The following FBXO42 variants were observed in gnomAD, a reference collection of about 807,000 sequenced individuals.
The protein encoded by FBXO42 is F-box only protein 42.
Under a neutral mutation model 71.7 loss-of-function variants are expected in FBXO42, and 12 were observed. The ratio of observed to expected loss-of-function variants is 0.17; its 90% confidence interval spans 0.11 to 0.27. The LOEUF is 0.27. Among genes scored for constraint, FBXO42 ranks in the 10% least tolerant of loss-of-function variants. The pLI is 1.00. For missense variants in FBXO42, 707 were observed against 911.9 expected (o/e 0.78, Z 2.89); for synonymous variants, 325 against 327.5 (o/e 0.99, Z 0.08).
chr1:16,299,388 C>T (rs2082167478), intron 3 of FBXO42, among the ~76,000 whole-genome samples: 1 of 152,122 alleles, frequency 6.6e-6, no homozygotes, highest in South Asian at 2.1e-4. Context: ...GTATTTTAAT[C>T]CCACACTAAA....
chr1:16,251,370 C>T lies in FBXO42; in HGVS notation c.1454G>A (p.Arg485Gln), dbSNP rs1467463636. The T allele has an allele frequency of 1.2e-6, 2 of 1,614,110 alleles. No individual in the cohort carries two copies. Among genetic ancestry groups the T allele is most frequent in the Non-Finnish European group, 1.7e-6 (2 of 1,180,010 alleles). Residue 485 changes from arginine (R) to glutamine (Q), a missense_variant, in exon 10 of 10, where the codon CGA becomes CAA. Arg to Gln is a conservative substitution (Grantham distance 43). This residue lies in a region of FBXO42 where 482 missense variants were observed against 587.1 expected (regional missense o/e 0.82). Transcript: ENST00000375592. The surrounding 1 kb of genome is among the most constrained non-coding windows in gnomAD (Gnocchi z 4.5). ...DLKIGLSLAPRRGSLPDQKDL... is the reference protein window; with the variant it reads ...DLKIGLSLAPQRGSLPDQKDL... Reference sequence around the variant, plus strand: ...TTTCTGATCTGGTAGTGATCCTCGTCGGGGGGCCAAAGAAAGTCCTATTTT... The same window carrying T: ...TTTCTGATCTGGTAGTGATCCTCGTTGGGGGGCCAAAGAAAGTCCTATTTT...
At chr1:16,315,122 A>G (rs1328888382) in intron 2 of FBXO42, 47 bp downstream of exon 2, 3 of 1,545,316 alleles carry the variant, frequency 1.9e-6, no homozygotes, top group East Asian at 4.5e-5. Flanking sequence ...AAAATAAATC[A>G]GTGAAATTTG....
At chr1:16,271,273 G>T (rs2081842735) in intron 4 of FBXO42, among the ~76,000 whole-genome samples, 1 of 147,702 alleles carries the variant, frequency 6.8e-6, no homozygotes, top group African/African-American at 2.6e-5. Flanking sequence ...GTGTGTGTGT[G>T]TGTGTGTGTG....
rs77767645 is a variant in FBXO42, at chr1:16,351,032, T to C, written c.-18+1223A>G. On this transcript the variant is annotated intron_variant, in intron 1 of 9. Coordinates refer to ENST00000375592, the MANE Select transcript of FBXO42 (RefSeq NM_018994.3). ...CACAGCATCACTAATGGCCATAAGA[T>C]ATACAGACTTAATTCTAAATATTCA... Among the ~76,000 whole-genome samples, 993 of 152,290 alleles carry C rather than the reference T, an allele frequency of 6.5e-3. 7 individuals are homozygous for C. The highest frequency in any genetic ancestry group is 0.023 in the African/African-American group (946 of 41,566).
chr1:16,300,011 C>G (rs2082174617), intron 3 of FBXO42, among the ~76,000 whole-genome samples: 2 of 152,086 alleles, frequency 1.3e-5, no homozygotes, highest in South Asian at 4.1e-4. Flanking sequence ...TTTAAGACAC[C>G]TATAGATTGA....
Position 16,257,247 on chromosome 1 carries a change from C to T in FBXO42, c.503-488G>A, listed in dbSNP as rs137945381. 6.3e-3 allele frequency among the ~76,000 whole-genome samples: 957 copies of T among 152,228 alleles called. 3 individuals are homozygous for T. Among genetic ancestry groups the T allele is most frequent in the Non-Finnish European group, 8.5e-3 (579 of 68,018 alleles). On this transcript the variant is annotated intron_variant, in intron 4 of 9. Coordinates refer to ENST00000375592, the MANE Select transcript of FBXO42 (RefSeq NM_018994.3). ...GTCTGGATGCAACTTAAAAATAACT[C>T]GTTACAAAACACAGGTAAGAAAAGG...
intron 7 of FBXO42, 110 bp downstream of exon 7, chr1:16,253,525 T>C (rs1165979179): frequency 8.4e-6 from 7 of 832,600 alleles, no homozygotes; most frequent in Non-Finnish European, 1.3e-5. Context: ...ATGATACATT[T>C]TCTTTGGCTT....
At chr1:16,340,036 G>A (rs752197132) in intron 1 of FBXO42, among the ~76,000 whole-genome samples, 4 of 152,024 alleles carry the variant, frequency 2.6e-5, no homozygotes, top group Admixed American at 6.6e-5. Flanking sequence ...AATTAGCCAG[G>A]CGTGGTGGCA....
At chr1:16,300,299 A>G (rs2082177561) in intron 3 of FBXO42, among the ~76,000 whole-genome samples, 1 of 152,210 alleles carries the variant, frequency 6.6e-6, no homozygotes, top group South Asian at 2.1e-4. Flanking sequence ...GGCTTAGTTT[A>G]CGACACATAC....
intron 1 of FBXO42, among the ~76,000 whole-genome samples, chr1:16,319,561 T>C (rs2082396028): frequency 6.6e-6 from 1 of 152,136 alleles, no homozygotes; most frequent in Non-Finnish European, 1.5e-5. Context: ...AGCAATTCCC[T>C]TCATTCCCCA....
At chr1:16,314,402 G>C (rs1219389751) in intron 2 of FBXO42, among the ~76,000 whole-genome samples, 2 of 152,198 alleles carry the variant, frequency 1.3e-5, no homozygotes, top group Non-Finnish European at 2.9e-5. Flanking sequence ...TTTAAAGCCA[G>C]ATCGCCTGAA....
intron 5 of FBXO42, 136 bp downstream of exon 5, chr1:16,256,470 C>T: frequency 1.1e-6 from 1 of 881,310 alleles, no homozygotes; most frequent in East Asian, 2.7e-5. Flanking sequence ...TGAATATGTG[C>T]ATTTTTCCCC....
chr1:16,271,939 G>C (rs1359333415), intron 4 of FBXO42, among the ~76,000 whole-genome samples: 1 of 145,716 alleles, frequency 6.9e-6, no homozygotes, highest in African/African-American at 2.5e-5. Flanking sequence ...AGGAGTTCGA[G>C]ACCAGCCTAG....
intron 4 of FBXO42, among the ~76,000 whole-genome samples, chr1:16,282,257 A>G (rs1173951719): frequency 1.2e-4 from 17 of 145,498 alleles, no homozygotes; most frequent in Non-Finnish European, 1.5e-5. Flanking sequence ...ACAGAGTCTC[A>G]CTCTGTCCCC....
intron 1 of FBXO42, among the ~76,000 whole-genome samples, chr1:16,326,650 T>C (rs1428752133): frequency 1.3e-5 from 2 of 148,960 alleles, no homozygotes; most frequent in South Asian, 2.1e-4. Flanking sequence ...CACCACTGTA[T>C]TGCAACCTGG....
rs1486491079 is a variant in FBXO42, at chr1:16,305,914, C to A, written c.256G>T (p.Ala86Ser). Residue 86 changes from alanine (A) to serine (S), a missense_variant, in exon 3 of 10, where the codon GCC becomes TCC. Coordinates refer to ENST00000375592, the MANE Select transcript of FBXO42 (RefSeq NM_018994.3). ...KQWYRLIKGV[A>S]HQCYHGFMKA... ...ATGAAACCATGATAACACTGATGGG[C>A]TACACCTAAGACAGAAAGAGCAAAC... 2 of 1,611,902 alleles carry A rather than the reference C, an allele frequency of 1.2e-6. No individual in the cohort carries two copies. Among genetic ancestry groups the A allele is most frequent in the Non-Finnish European group, 1.7e-6 (2 of 1,178,050 alleles).
intron 4 of FBXO42, among the ~76,000 whole-genome samples, chr1:16,279,791 T>C (rs899554129): frequency 1.3e-5 from 2 of 151,952 alleles, no homozygotes; most frequent in African/African-American, 4.8e-5. Context: ...GTATACTATT[T>C]CAACCAGGTG....
At chr1:16,316,507 C>T (rs569471251) in intron 1 of FBXO42, among the ~76,000 whole-genome samples, 5 of 151,346 alleles carry the variant, frequency 3.3e-5, no homozygotes, top group South Asian at 2.1e-4. Flanking sequence ...ATTCTGAGGC[C>T]GGCAGATCAC....
In FBXO42 at chr1:16,252,152, T is replaced by TG; in HGVS notation, c.1038+135dup. 2 of 714,836 alleles carry TG rather than the reference T, an allele frequency of 2.8e-6. No individual in the cohort carries two copies. Among genetic ancestry groups the TG allele is most frequent in the East Asian group, 5.0e-5 (2 of 40,308 alleles). The allele number at this position is 714,836 out of a possible 1,614,324, so 44.3% of individuals were successfully genotyped here. ...TTAGTGAGAAATGCCAAAGGAGCTATGGCTAATGTTCACCTCTTTTGTGAC... is the reference window on the plus strand; with the variant it reads ...TTAGTGAGAAATGCCAAAGGAGCTATGGGCTAATGTTCACCTCTTTTGTGAC... On this transcript the variant is annotated intron_variant, in intron 9 of 9. Transcript: ENST00000375592. The surrounding 1 kb of genome is among the most constrained non-coding windows in gnomAD (Gnocchi z 4.4).
Sources: allele counts gnomAD v4.1 joint callset (sites outside exome capture counted in the v4.1 genomes callset), GRCh38; gene constraint gnomAD v4.1.1; regional missense constraint gnomAD v4.1.1; non-coding constraint Gnocchi (gnomAD v3.1); transcripts MANE v1.5; gene names NCBI Gene and HGNC (gene_info 2026-07-23, HGNC 2026-07-21).